GAB1: variants seen among roughly 807,000 people sequenced by gnomAD.
The protein encoded by GAB1 is GRB2-associated-binding protein 1.
A neutral mutation model predicts 66.5 loss-of-function variants in GAB1; 19 were observed. That is an observed-to-expected ratio of 0.29 (90% CI 0.20 to 0.42). The LOEUF (loss-of-function observed/expected upper bound fraction) is 0.42. Ranked by LOEUF, GAB1 falls within the 10% of genes least tolerant of loss-of-function variation. GAB1 has a pLI of 1.00. For synonymous variants in GAB1, 294 were observed against 301.4 expected, an observed-to-expected ratio of 0.98 and a Z score of 0.25; for missense variants, 732 against 858.5, an observed-to-expected ratio of 0.85 and a Z score of 1.84.
At chr4:143,413,817 C>T (rs112328882) in intron 1 of GAB1, among the ~76,000 whole-genome samples, 163 of 126,736 alleles carry the variant, frequency 1.3e-3, no homozygotes, top group African/African-American at 6.3e-3. Flanking sequence ...CCCACCACCC[C>T]GCTGCCCTTT....
Position 143,373,863 on chromosome 4 carries a change from A to AT in GAB1, c.72+36603_72+36604insT, listed in dbSNP as rs1491277412. ...TCTCTCTCTCTCTCTCTCTGTAAATAAATAAATATATATATATATATATTT... is the reference window on the plus strand; with the variant it reads ...TCTCTCTCTCTCTCTCTCTGTAAATATAATAAATATATATATATATATATTT... On this transcript the variant is annotated intron_variant, in intron 1 of 9. Coordinates refer to ENST00000262994, the MANE Select transcript of GAB1 (RefSeq NM_002039.4). 1.0e-3 allele frequency among the ~76,000 whole-genome samples: 111 copies of AT among 110,942 alleles called. 3 individuals carry two copies. The highest frequency in any genetic ancestry group is 3.1e-3 in the African/African-American group (78 of 25,172). 72.8% of individuals were successfully genotyped at this position (110,942 alleles called of 152,430 possible). A position where few individuals can be genotyped will look rare whatever the true frequency, so the allele number is the denominator to read the frequency against.
At chr4:143,462,850 C>G (rs1735573104) in intron 8 of GAB1, among the ~76,000 whole-genome samples, 1 of 152,038 alleles carries the variant, frequency 6.6e-6, no homozygotes, top group African/African-American at 2.4e-5. Context: ...TTGGTAGAGA[C>G]AGGGTTTCAT....
chr4:143,455,715 A>G (rs1282912199), intron 6 of GAB1, among the ~76,000 whole-genome samples: 2 of 152,216 alleles, frequency 1.3e-5, no homozygotes, highest in African/African-American at 2.4e-5. Context: ...AACTATAGAC[A>G]TAAGTGTAGG....
intron 9 of GAB1, among the ~76,000 whole-genome samples, chr4:143,467,775 T>G (rs1005054637): frequency 8.5e-5 from 13 of 152,150 alleles, no homozygotes; most frequent in African/African-American, 3.1e-4. Flanking sequence ...TGATGAGATA[T>G]TCTCAGTTTC....
At chr4:143,385,429 A>G (rs1476095209) in intron 1 of GAB1, among the ~76,000 whole-genome samples, 1 of 152,220 alleles carries the variant, frequency 6.6e-6, no homozygotes, top group East Asian at 1.9e-4. Context: ...GATGCCCAAA[A>G]TACAGTGACT....
At chr4:143,403,451 C>A (rs1731879311) in intron 1 of GAB1, among the ~76,000 whole-genome samples, 1 of 151,972 alleles carries the variant, frequency 6.6e-6, no homozygotes, top group South Asian at 2.1e-4. Flanking sequence ...ATTTTAGGGG[C>A]AAAACACCAT....
rs757930831 is a variant in GAB1, at chr4:143,471,352, C to T, written c.*2163C>T. 6.6e-6 allele frequency: 1 copy of T among 152,116 alleles called. No homozygotes were observed. The highest frequency in any genetic ancestry group is 1.5e-5 in the Non-Finnish European group (1 of 68,006). 9.4% of individuals were successfully genotyped at this position (152,116 alleles called of 1,614,324 possible). On this transcript the variant is annotated 3_prime_UTR_variant, in exon 10 of 10. Coordinates refer to ENST00000262994, the MANE Select transcript of GAB1 (RefSeq NM_002039.4). ...CAGTTTGCTTTAGAAAACTAAATCACATTGAACATTGTATTAGAGAATTAA... is the reference window on the plus strand; with the variant it reads ...CAGTTTGCTTTAGAAAACTAAATCATATTGAACATTGTATTAGAGAATTAA...
chr4:143,368,660 A>G (rs1729987467), intron 1 of GAB1, among the ~76,000 whole-genome samples: 1 of 152,120 alleles, frequency 6.6e-6, no homozygotes, highest in Non-Finnish European at 1.5e-5. Flanking sequence ...TAATACTTAT[A>G]AAGTTATATT....
At position 143,469,040 on chromosome 4, in the gene GAB1, A is replaced by G. The variant is rs1735953498; in HGVS notation, c.1936A>G (p.Ser646Gly). The G allele has an allele frequency of 1.2e-6, 2 of 1,613,768 alleles. No homozygotes were observed. The highest frequency in any genetic ancestry group is 1.7e-6 in the Non-Finnish European group (2 of 1,179,810). ...TTTCTTTGTGTTTTAGCAAAAGAGC[A>G]GTGGCTCAGGCAGCAGTGTAGCAGA... ...KSTPPRKQKSSGSGSSVADER... is the reference protein window; with the variant it reads ...KSTPPRKQKSGGSGSSVADER... The change falls in exon 10 of 10, where the codon AGT becomes GGT. Residue 646 changes from serine to glycine, a missense_variant. This residue lies in a region of GAB1 where 204 missense variants were observed against 276.8 expected (regional missense o/e 0.74). Coordinates refer to ENST00000262994, the MANE Select transcript of GAB1 (RefSeq NM_002039.4).
intron 1 of GAB1, among the ~76,000 whole-genome samples, chr4:143,379,019 C>A (rs1056050078): frequency 5.9e-5 from 9 of 152,126 alleles, no homozygotes; most frequent in African/African-American, 2.2e-4. Flanking sequence ...CCAAATCCCC[C>A]AAACCCGAGG....
At chr4:143,367,482 AG>A (rs1162740853) in intron 1 of GAB1, among the ~76,000 whole-genome samples, 2 of 152,126 alleles carry the variant, frequency 1.3e-5, no homozygotes, top group Non-Finnish European at 2.9e-5. Flanking sequence ...TTTGCAGGAA[AG>A]CCCCAGAGCC....
chr4:143,393,905 A>T (rs143429620), intron 1 of GAB1, among the ~76,000 whole-genome samples: 122 of 152,326 alleles, frequency 8.0e-4, no homozygotes, highest in African/African-American at 2.9e-3. Context: ...TACTTAGGAC[A>T]AGCATAAGAA....
intron 8 of GAB1, among the ~76,000 whole-genome samples, chr4:143,461,263 T>C (rs1273396751): frequency 2.0e-5 from 3 of 152,256 alleles, no homozygotes; most frequent in African/African-American, 7.2e-5. Context: ...AGTTCCCCTC[T>C]GAGTAAAAGA....
At chr4:143,426,209 A>G (rs1432488716) in intron 2 of GAB1, among the ~76,000 whole-genome samples, 1 of 152,202 alleles carries the variant, frequency 6.6e-6, no homozygotes, top group Non-Finnish European at 1.5e-5. Context: ...AGCAAATCCC[A>G]AAACTGCACA....
chr4:143,350,538 C>T (rs1729159514), intron 1 of GAB1, among the ~76,000 whole-genome samples: 1 of 151,804 alleles, frequency 6.6e-6, no homozygotes, highest in Non-Finnish European at 1.5e-5. Context: ...ATTAGTTGGG[C>T]GTGGTGGTGC....
At chr4:143,362,647 A>G (rs1729712456) in intron 1 of GAB1, among the ~76,000 whole-genome samples, 1 of 152,176 alleles carries the variant, frequency 6.6e-6, no homozygotes, top group Non-Finnish European at 1.5e-5. Context: ...GTCTCTTAGC[A>G]TGCTAATGCA....
At chr4:143,413,824 C>CTTTTTTTTTTTTTTTTTTTTTTTTT (rs35422180) in intron 1 of GAB1, among the ~76,000 whole-genome samples, 3 of 67,822 alleles carry the variant, frequency 4.4e-5, no homozygotes, top group African/African-American at 1.9e-4. Context: ...CCCCGCTGCC[C>CTTTTTTTTTTTTTTTTTTTTTTTTT]TTTTTTTTTT....
intron 1 of GAB1, among the ~76,000 whole-genome samples, chr4:143,400,159 T>C (rs1201242766): frequency 6.6e-6 from 1 of 152,154 alleles, no homozygotes; most frequent in Non-Finnish European, 1.5e-5. Context: ...GCCAGACTGG[T>C]CTTGATCTCC....
intron 6 of GAB1, among the ~76,000 whole-genome samples, chr4:143,454,103 A>T (rs996732488): frequency 3.3e-5 from 5 of 152,240 alleles, no homozygotes; most frequent in African/African-American, 7.2e-5. Context: ...AAAGATGTAC[A>T]TGAGAAATAG....
Sources: allele counts gnomAD v4.1 joint callset (sites outside exome capture counted in the v4.1 genomes callset), GRCh38; gene constraint gnomAD v4.1.1; regional missense constraint gnomAD v4.1.1; transcripts MANE v1.5; gene names NCBI Gene and HGNC (gene_info 2026-07-23, HGNC 2026-07-21).